CFAP61: variants seen among roughly 807,000 people sequenced by gnomAD.
The protein encoded by CFAP61 is cilia and flagella associated protein 61, also known as cilia- and flagella-associated protein 61.
A neutral mutation model predicts 135.6 loss-of-function variants in CFAP61; 107 were observed. The ratio of observed to expected loss-of-function variants is 0.79; its 90% CI spans 0.67 to 0.93. The LOEUF is 0.93. Among genes scored for constraint, CFAP61 ranks in the 40% least tolerant of loss-of-function variants. The probability of loss-of-function intolerance (pLI) is 0.00; values close to 1 mark genes in which losing one functional copy is unlikely to be tolerated. For missense variants in CFAP61, 1,507 were observed against 1,556.2 expected (o/e 0.97, Z 0.53); for synonymous variants, 575 against 578.5 (o/e 0.99, Z 0.09).
At chr20:20,334,168 C>T (rs2058094126) in intron 25 of CFAP61, among the ~76,000 whole-genome samples, 1 of 152,160 alleles carries the variant, frequency 6.6e-6, no homozygotes, top group African/African-American at 2.4e-5. Context: ...GCTCTGTCGC[C>T]CAGGCTAGAG....
At chr20:20,086,009 C>A in intron 6 of CFAP61, among the ~76,000 whole-genome samples, 1 of 152,178 alleles carries the variant, frequency 6.6e-6, no homozygotes, top group East Asian at 1.9e-4. Flanking sequence ...ACGTGGAGAA[C>A]AAACACTTGC....
chr20:20,259,706 A>G (rs1488657690), intron 20 of CFAP61: 1 of 152,132 alleles, frequency 6.6e-6, no homozygotes, highest in Non-Finnish European at 1.5e-5. Context: ...ACCTCATCCA[A>G]GGACTCCTGC....
rs377336137 is a variant in CFAP61 at position 20,101,951 on chromosome 20, T to C, written c.859+3137T>C. On this transcript the variant is annotated intron_variant, in intron 8 of 26. Transcript: ENST00000245957. ...CCAGTTTTTTCACTTTAATAAGTTA[T>C]TTAATGAATGATCACTTCAGTGGGT... Among the ~76,000 whole-genome samples the C allele has an allele frequency of 2.0e-4, 30 of 152,318 alleles. No homozygotes were observed. In the East Asian group the frequency reaches 3.7e-3, roughly 19 times the overall value.
chr20:20,352,673 A>G (rs560674411), intron 26 of CFAP61, among the ~76,000 whole-genome samples: 2 of 152,340 alleles, frequency 1.3e-5, no homozygotes, highest in Non-Finnish European at 2.9e-5. Flanking sequence ...CTCAGCCCAT[A>G]CACAAAAATC....
intron 1 of CFAP61, chr20:20,052,882 G>GC (rs1316876355): frequency 3.0e-6 from 2 of 673,812 alleles, no homozygotes; most frequent in Non-Finnish European, 5.0e-6. Context: ...CTGGGTCCAC[G>GC]CCCCCTCGTT....
intron 17 of CFAP61, among the ~76,000 whole-genome samples, chr20:20,210,168 G>T (rs538140965): frequency 6.6e-6 from 1 of 152,298 alleles, no homozygotes; most frequent in East Asian, 1.9e-4. Flanking sequence ...TTGTGAGGCA[G>T]TCTCCTTCCT....
chr20:20,238,029 T>TA (rs1445572050), intron 18 of CFAP61, among the ~76,000 whole-genome samples: 2 of 152,198 alleles, frequency 1.3e-5, no homozygotes, highest in Admixed American at 6.5e-5. Flanking sequence ...TCCTCCAAAA[T>TA]AAAAATTTTT....
intron 17 of CFAP61, among the ~76,000 whole-genome samples, chr20:20,202,331 C>G (rs2056662703): frequency 6.6e-6 from 1 of 152,158 alleles, no homozygotes; most frequent in South Asian, 2.1e-4. Context: ...TGAATTCTGA[C>G]TGTTTAAGAA....
intron 17 of CFAP61, among the ~76,000 whole-genome samples, chr20:20,210,262 G>A (rs1433203438): frequency 6.6e-6 from 1 of 152,184 alleles, no homozygotes; most frequent in East Asian, 1.9e-4. Flanking sequence ...GGGCTGCGCT[G>A]CACTGATTTC....
intron 9 of CFAP61, among the ~76,000 whole-genome samples, chr20:20,156,833 C>G (rs1372889996): frequency 1.3e-5 from 2 of 152,144 alleles, no homozygotes; most frequent in Non-Finnish European, 1.5e-5. Context: ...CAAAACATTT[C>G]TGAGAGAAAT....
intron 18 of CFAP61, among the ~76,000 whole-genome samples, chr20:20,231,987 T>C (rs920052225): frequency 5.9e-5 from 9 of 152,164 alleles, no homozygotes; most frequent in Non-Finnish European, 5.9e-5. Flanking sequence ...GACACTATGA[T>C]GTCACATGTG....
At chr20:20,332,291 CATT>C (rs2058030474) in intron 25 of CFAP61, among the ~76,000 whole-genome samples, 2 of 152,180 alleles carry the variant, frequency 1.3e-5, no homozygotes, top group Non-Finnish European at 2.9e-5. Context: ...AGTGTCTAAA[CATT>C]ATGCTATTTC....
chr20:20,274,965 T>G (rs941890636), intron 21 of CFAP61, among the ~76,000 whole-genome samples: 6 of 152,164 alleles, frequency 3.9e-5, no homozygotes, highest in Non-Finnish European at 7.3e-5. Context: ...TGCTGGTCAG[T>G]AAATATTCAT....
At chr20:20,325,411 A>G (rs369073336) in intron 25 of CFAP61, among the ~76,000 whole-genome samples, 7 of 152,224 alleles carry the variant, frequency 4.6e-5, no homozygotes, top group African/African-American at 1.7e-4. Flanking sequence ...CTCCCCCACA[A>G]GCTTCTGGCA....
intron 25 of CFAP61, among the ~76,000 whole-genome samples, chr20:20,337,350 GTGGGTGGATGGATGGATGGATGGA>G (rs2058248114): frequency 3.2e-3 from 19 of 6,016 alleles, no homozygotes; most frequent in Non-Finnish European, 4.7e-3. Flanking sequence ...AGATGGGTGG[GTGGGTGGATGGATGGATGGATGGA>G]TGGATGGATG....
At chr20:20,261,748 T>C (rs746228900) in intron 20 of CFAP61, among the ~76,000 whole-genome samples, 2 of 152,076 alleles carry the variant, frequency 1.3e-5, no homozygotes, top group Non-Finnish European at 2.9e-5. Flanking sequence ...ACTGGATCCA[T>C]ACTCTACACT....
chr20:20,109,446 C>T (rs1051294194), intron 8 of CFAP61, among the ~76,000 whole-genome samples: 1 of 152,150 alleles, frequency 6.6e-6, no homozygotes, highest in African/African-American at 2.4e-5. Context: ...GTAAATGATG[C>T]TCTTGGTTGT....
chr20:20,177,000 A>G (rs1267622776), intron 13 of CFAP61, among the ~76,000 whole-genome samples: 1 of 151,922 alleles, frequency 6.6e-6, no homozygotes, highest in Non-Finnish European at 1.5e-5. Context: ...TTCTTTTTCT[A>G]GACAATTTTA....
chr20:20,350,984 G>A (rs1293399210), intron 26 of CFAP61, among the ~76,000 whole-genome samples: 1 of 152,072 alleles, frequency 6.6e-6, no homozygotes, highest in East Asian at 1.9e-4. Flanking sequence ...TATATGACAA[G>A]CCCACAGCTA....
Sources: gnomAD v4.1 joint callset for allele counts (sites outside exome capture counted in the v4.1 genomes callset) on GRCh38, gnomAD v4.1.1 for gene constraint, MANE v1.5 for transcripts, NCBI Gene and HGNC (gene_info 2026-07-23, HGNC 2026-07-21) for gene names.